Variants in CNTRL observed in about 807,000 individuals in gnomAD.
CNTRL encodes 110 kDa centrosomal protein.
In CNTRL, 233 loss-of-function variants were observed where a neutral mutation model predicts 303.7. That is an observed-to-expected ratio of 0.77 (90% confidence interval 0.69 to 0.86). The LOEUF (loss-of-function observed/expected upper bound fraction) is 0.86. CNTRL is among the 40% of genes least tolerant of loss of function. The pLI, the probability that CNTRL is intolerant of heterozygous loss-of-function variation, is 0.00. For missense variants in CNTRL, 2,524 were observed against 2,650.6 expected (o/e 0.95, Z 1.05); for synonymous variants, 900 against 922.2 (o/e 0.98, Z 0.44).
intron 2 of CNTRL, among the ~76,000 whole-genome samples, chr9:121,082,321 C>G (rs1324619881): frequency 6.6e-6 from 1 of 152,158 alleles, no homozygotes; most frequent in South Asian, 2.1e-4. Flanking sequence ...AGCTCAGCTG[C>G]TATGATTGGC....
rs368540126 is a variant in CNTRL at position 121,095,027 on chromosome 9, T to C, written c.479+9T>C. The C allele has an allele frequency of 3.8e-6, 6 of 1,587,718 alleles. No homozygotes were observed. Among genetic ancestry groups the C allele is most frequent in the African/African-American group, 2.7e-5 (2 of 73,398 alleles). ...TCATATAACAAAATCAGGTGAGTTA[T>C]ATAACAAAATCTTTAGGCAGCATTG... On this transcript the variant is annotated intron_variant, in intron 5 of 43. Transcript: ENST00000373855.
At chr9:121,162,380 A>C in intron 34 of CNTRL, 109 bp downstream of exon 34, 3 of 858,414 alleles carry the variant, frequency 3.5e-6, no homozygotes, top group East Asian at 2.7e-5. Context: ...TACACCACAA[A>C]CTTGGTATCA....
chr9:121,137,909 A>G (rs1301763340), intron 15 of CNTRL, among the ~76,000 whole-genome samples: 2 of 152,162 alleles, frequency 1.3e-5, no homozygotes, highest in African/African-American at 4.8e-5. Context: ...TTCACTTGGT[A>G]TTGAAAGGGA....
At chr9:121,105,299 A>G (rs2049413099) in intron 7 of CNTRL, among the ~76,000 whole-genome samples, 1 of 152,238 alleles carries the variant, frequency 6.6e-6, no homozygotes, top group Non-Finnish European at 1.5e-5. Context: ...TGAAGGTAGA[A>G]GCAGCAGCAT....
chr9:121,143,360 T>G (rs1564266295), intron 19 of CNTRL, among the ~76,000 whole-genome samples: 3 of 152,286 alleles, frequency 2.0e-5, no homozygotes, highest in Middle Eastern at 6.8e-3. Flanking sequence ...GTCTGATCGA[T>G]CTGTCACTTC....
Position 121,108,003 on chromosome 9 carries a change from C to A in CNTRL, c.1002+8C>A. On this transcript the variant is annotated splice_region_variant and intron_variant, in intron 8 of 43. Transcript: ENST00000373855. ...AACACAAAAAATGAATTGGTAAGTT[C>A]ATATTTTACATTGCTTTGGCTGTAT... 1.3e-6 allele frequency: 2 copies of A among 1,548,238 alleles called. No homozygotes were observed. Among genetic ancestry groups the A allele is most frequent in the South Asian group, 2.5e-5 (2 of 80,912 alleles).
rs745427282 is a variant in CNTRL, at chr9:121,152,670, T to TGTCCA, written c.4151_4155dup (p.Lys1386SerfsTer19). Reference sequence around the variant, plus strand: ...GTGAAGTAGAAGAATTACATAGAACTGTCCAGAAACGTCAACAGCAAAAGT... The same window carrying TGTCCA: ...GTGAAGTAGAAGAATTACATAGAACTGTCCAGTCCAGAAACGTCAACAGCAAAAGT... On this transcript the variant is annotated frameshift_variant, in exon 26 of 44. Coordinates refer to ENST00000373855, the MANE Select transcript of CNTRL (RefSeq NM_007018.6). LOFTEE classifies it high-confidence loss of function. 6.2e-7 allele frequency: 1 copy of TGTCCA among 1,611,596 alleles called. No individual in the cohort carries two copies. Among genetic ancestry groups the TGTCCA allele is most frequent in the South Asian group, 1.1e-5 (1 of 90,528 alleles).
rs1052361751 is a variant in CNTRL at position 121,126,907 on chromosome 9, C to T, written c.2025+971C>T. Among the ~76,000 whole-genome samples the T allele has an allele frequency of 2.0e-4, 30 of 151,918 alleles. 1 individual carries two copies. Among genetic ancestry groups the T allele is most frequent in the Admixed American group, 2.0e-4 (3 of 15,246 alleles). ...CGCAATCTCGGCTCACTGCATCCTC[C>T]GCCTCCTGGGTTGAAGCGATTCTCC... On this transcript the variant is annotated intron_variant, in intron 14 of 43. Transcript: ENST00000373855.
At chr9:121,138,747 G>T in intron 16 of CNTRL, 68 bp downstream of exon 16, 1 of 1,536,528 alleles carries the variant, frequency 6.5e-7, no homozygotes. Context: ...TCTTTAGTCA[G>T]GCACTTAGCA....
At chr9:121,123,705 T>C (rs1196958685) in intron 12 of CNTRL, among the ~76,000 whole-genome samples, 1 of 152,216 alleles carries the variant, frequency 6.6e-6, no homozygotes, top group African/African-American at 2.4e-5. Flanking sequence ...CTTAACCTCT[T>C]TGATCCTCAG....
chr9:121,129,984 C>T (rs1334873187), intron 14 of CNTRL, among the ~76,000 whole-genome samples: 10 of 152,096 alleles, frequency 6.6e-5, no homozygotes, highest in African/African-American at 9.7e-5. Context: ...GGGATGAAGC[C>T]GACTTGATCG....
chr9:121,101,583 A>C (rs1405597769), intron 7 of CNTRL, among the ~76,000 whole-genome samples: 1 of 152,240 alleles, frequency 6.6e-6, no homozygotes, highest in Non-Finnish European at 1.5e-5. Context: ...AGCCACAAAA[A>C]ACCCTTCAAA....
rs1015712667 is a variant in CNTRL, at chr9:121,088,591, G to T, written c.217+48G>T. On this transcript the variant is annotated intron_variant, in intron 3 of 43. Coordinates refer to ENST00000373855, the MANE Select transcript of CNTRL (RefSeq NM_007018.6). ...TTGGTCTGACCACATACTTCAAGTA[G>T]AGATGGAAAATTTTCGGCTTGCATT... 3.9e-6 allele frequency: 5 copies of T among 1,282,410 alleles called. No homozygotes were observed. In the African/African-American group the frequency reaches 5.9e-5, roughly 15 times the overall value. The allele number at this position is 1,282,410 out of a possible 1,614,324, so 79.4% of individuals were successfully genotyped here.
chr9:121,155,502 C>G (rs754497965), intron 27 of CNTRL, among the ~76,000 whole-genome samples: 33 of 152,148 alleles, frequency 2.2e-4, no homozygotes, highest in Non-Finnish European at 4.4e-4. Flanking sequence ...CTGCCTCAGC[C>G]TCCTGAGTAG....
At chr9:121,130,388 T>A (rs2050784376) in intron 14 of CNTRL, among the ~76,000 whole-genome samples, 1 of 152,234 alleles carries the variant, frequency 6.6e-6, no homozygotes, top group Non-Finnish European at 1.5e-5. Flanking sequence ...AATTTATCCA[T>A]TTCTTCTAGA....
rs1274651586 is a variant in CNTRL at position 121,115,990 on chromosome 9, CAT to C, written c.1455+791_1455+792del. Among the ~76,000 whole-genome samples the C allele has an allele frequency of 1.6e-4, 24 of 151,688 alleles. No individual in the cohort carries two copies. The East Asian group carries it at 3.1e-3, about 20-fold the overall frequency. On this transcript the variant is annotated intron_variant, in intron 11 of 43. Transcript: ENST00000373855. Reference sequence around the variant, plus strand: ...GGCGCTGATTAATGAACAAAATAGACATGTGTCCCTCTCATGGACAGACTTGT... The same window carrying C: ...GGCGCTGATTAATGAACAAAATAGACGTGTCCCTCTCATGGACAGACTTGT...
rs2051676432 is a variant in CNTRL, at chr9:121,143,911, T to G, written c.2880T>G (p.Leu960=). ...QLRELEKKKK[L]EDAKSQEQVF... ...TATTTCTTTTATTTTAGAAGAAACT[T>G]GAAGATGCCAAATCTCAGGAGCAAG... The change falls in exon 20 of 44, where the codon CTT becomes CTG. Residue 960 remains leucine, a synonymous_variant. Coordinates refer to ENST00000373855, the MANE Select transcript of CNTRL (RefSeq NM_007018.6). The G allele has an allele frequency of 6.3e-7, 1 of 1,587,890 alleles. No individual in the cohort carries two copies. Among genetic ancestry groups the G allele is most frequent in the Non-Finnish European group, 8.5e-7 (1 of 1,172,928 alleles).
At chr9:121,173,172 C>A in intron 40 of CNTRL, 71 bp from the exon 41 acceptor site, 2 of 1,344,956 alleles carry the variant, frequency 1.5e-6, no homozygotes, top group Non-Finnish European at 2.0e-6. Context: ...ATACATGGCA[C>A]ATCATACAGC....
At chr9:121,113,748 C>CT in intron 10 of CNTRL, 24 bp downstream of exon 10, 1 of 1,403,922 alleles carries the variant, frequency 7.1e-7, no homozygotes, top group Non-Finnish European at 9.3e-7. Context: ...ATTTTAAATT[C>CT]TTTAAAAAAA....
Sources: allele counts gnomAD v4.1 joint callset (sites outside exome capture counted in the v4.1 genomes callset), GRCh38; gene constraint gnomAD v4.1.1; transcripts MANE v1.5; gene names NCBI Gene and HGNC (gene_info 2026-07-23, HGNC 2026-07-21).